Variants in ADARB2 observed in about 807,000 individuals in gnomAD.
ADARB2 encodes the protein adenosine deaminase RNA specific B2 (inactive).
Under a neutral mutation model 62.2 loss-of-function variants are expected in ADARB2, and 25 were observed. The observed-to-expected ratio is 0.40, with a 90% CI of 0.29 to 0.56. The LOEUF (loss-of-function observed/expected upper bound fraction) is 0.56, where lower values mean the gene tolerates loss of function less well. Ranked by LOEUF, ADARB2 falls within the 20% of genes least tolerant of loss-of-function variation. The pLI, the probability that ADARB2 is intolerant of heterozygous loss-of-function variation, is 0.43. For missense variants in ADARB2, 1,071 were observed against 1,077.4 expected (o/e 0.99, Z 0.08); for synonymous variants, 572 against 500.8 (o/e 1.14, Z -1.90).
intron 3 of ADARB2, among the ~76,000 whole-genome samples, chr10:1,298,720 A>T (rs1249241494): frequency 1.8e-5 from 2 of 110,770 alleles, no homozygotes; most frequent in East Asian, 2.3e-4. Context: ...TGCGACGGGA[A>T]TTTTTTTTTT....
chr10:1,414,965 A>G (rs145994528), intron 1 of ADARB2, among the ~76,000 whole-genome samples: 67 of 150,032 alleles, frequency 4.5e-4, no homozygotes, highest in African/African-American at 1.6e-3. Flanking sequence ...GGGTGGCTAT[A>G]TGGTGAATGG....
At chr10:1,289,124 A>C (rs571430109) in intron 3 of ADARB2, among the ~76,000 whole-genome samples, 1 of 152,208 alleles carries the variant, frequency 6.6e-6, no homozygotes, top group Non-Finnish European at 1.5e-5. Context: ...CTGCATGGTC[A>C]AACCCTGGTC....
chr10:1,592,315 GCTTCCCTCGCCCAAGCCACCCTCC>G (rs1833268233), intron 1 of ADARB2, among the ~76,000 whole-genome samples: 8 of 150,922 alleles, frequency 5.3e-5, no homozygotes, highest in African/African-American at 1.2e-4. Context: ...CTGTCACCCA[GCTTCCCTCGCCCAAGCCACCCTCC>G]ATAGGTCTCC....
Position 1,378,567 on chromosome 10 carries a change from G to C in ADARB2, c.187+507C>G, listed in dbSNP as rs931470303. ...CAGGTGCGGGTAAGGTTCCAGGTGA[G>C]GATAAGATTCCAGGTTAGGATGGAA... On this transcript the variant is annotated intron_variant, in intron 2 of 9. Coordinates refer to ENST00000381312, the MANE Select transcript of ADARB2 (RefSeq NM_018702.4). Among the ~76,000 whole-genome samples the C allele has an allele frequency of 3.3e-5, 5 of 152,244 alleles. 1 individual carries two copies. The South Asian group carries it at 8.3e-4, about 25-fold the overall frequency.
intron 3 of ADARB2, among the ~76,000 whole-genome samples, chr10:1,298,081 C>CA (rs1405763035): frequency 3.9e-5 from 6 of 152,198 alleles, no homozygotes; most frequent in Non-Finnish European, 7.4e-5. Context: ...TTTGAGATAG[C>CA]AAAAAATGGA....
chr10:1,207,322 G>C (rs1336055335), intron 7 of ADARB2, among the ~76,000 whole-genome samples: 1 of 152,214 alleles, frequency 6.6e-6, no homozygotes, highest in Non-Finnish European at 1.5e-5. Flanking sequence ...TCTAGCCTGG[G>C]TGACAAGAGC....
rs55689817 is a variant in ADARB2 at position 1,449,788 on chromosome 10, A to G, written c.101-70628T>C. Among the ~76,000 whole-genome samples, 801 of 152,278 alleles carry G rather than the reference A, an allele frequency of 5.3e-3. 3 individuals are homozygous for G. Among genetic ancestry groups the G allele is most frequent in the African/African-American group, 0.018 (741 of 41,548 alleles). On this transcript the variant is annotated intron_variant, in intron 1 of 9. Transcript: ENST00000381312. Reference sequence around the variant, plus strand: ...TATCTCCAGGTCCAATTTAATCTCTATTAGGCACTCAATGGCTAAATTAAG... The same window carrying G: ...TATCTCCAGGTCCAATTTAATCTCTGTTAGGCACTCAATGGCTAAATTAAG...
chr10:1,333,598 A>G (rs1461690070), intron 3 of ADARB2, among the ~76,000 whole-genome samples: 1 of 152,192 alleles, frequency 6.6e-6, no homozygotes, highest in African/African-American at 2.4e-5. Flanking sequence ...TACCTGTAAT[A>G]GGCAAAGTGT....
At chr10:1,326,240 G>A (rs530053510) in intron 3 of ADARB2, among the ~76,000 whole-genome samples, 3 of 152,292 alleles carry the variant, frequency 2.0e-5, no homozygotes, top group African/African-American at 7.2e-5. Context: ...ACACAAGGCT[G>A]AGCCGATTTT....
chr10:1,732,782 C>T (rs1835250263), intron 1 of ADARB2, among the ~76,000 whole-genome samples: 1 of 152,224 alleles, frequency 6.6e-6, no homozygotes, highest in Admixed American at 6.5e-5. Context: ...CCCTCATCCT[C>T]AGCACAATCT....
intron 3 of ADARB2, among the ~76,000 whole-genome samples, chr10:1,314,569 G>A (rs1384750624): frequency 1.3e-5 from 2 of 152,168 alleles, no homozygotes; most frequent in Non-Finnish European, 2.9e-5. Flanking sequence ...CACTTGCCCT[G>A]GCCTTCCGGC....
chr10:1,243,245 C>T lies in ADARB2; in HGVS notation c.1193-946G>A, dbSNP rs954409286. The stretch of plus-strand genomic sequence containing the variant: ...GGATGTGACAGCCACTGGCTGGGCC[C>T]GGATCGCAGGCCAAGGGAGGGCAGC... On this transcript the variant is annotated intron_variant, in intron 4 of 9. Transcript: ENST00000381312. Among the ~76,000 whole-genome samples the T allele has an allele frequency of 6.6e-5, 10 of 152,342 alleles. No individual in the cohort carries two copies. The East Asian group carries it at 1.5e-3, about 24-fold the overall frequency.
chr10:1,273,928 G>T (rs1831288820), intron 3 of ADARB2, among the ~76,000 whole-genome samples: 1 of 152,210 alleles, frequency 6.6e-6, no homozygotes, highest in Non-Finnish European at 1.5e-5. Context: ...GGGCTCGTGG[G>T]TTGCCAGCAG....
chr10:1,598,828 G>A (rs528505312), intron 1 of ADARB2, among the ~76,000 whole-genome samples: 25 of 152,222 alleles, frequency 1.6e-4, no homozygotes, highest in Non-Finnish European at 3.7e-4. Context: ...GAAGCGAAGG[G>A]ATCTCCCAGG....
intron 1 of ADARB2, among the ~76,000 whole-genome samples, chr10:1,519,282 C>A (rs1391063515): frequency 2.7e-5 from 4 of 150,472 alleles, no homozygotes; most frequent in African/African-American, 7.3e-5. Flanking sequence ...CATACACATG[C>A]ATTCCATGTA....
chr10:1,601,882 C>G (rs1358336242), intron 1 of ADARB2, among the ~76,000 whole-genome samples: 1 of 152,196 alleles, frequency 6.6e-6, no homozygotes, highest in Non-Finnish European at 1.5e-5. Flanking sequence ...AAAGCAAAAG[C>G]AAAAGCATTG....
At chr10:1,593,473 AT>A in intron 1 of ADARB2, among the ~76,000 whole-genome samples, 1 of 152,368 alleles carries the variant, frequency 6.6e-6, no homozygotes, top group South Asian at 2.1e-4. Context: ...TCTTGAGTTT[AT>A]TTAAATCATA....
chr10:1,408,113 T>A (rs575586179), intron 1 of ADARB2, among the ~76,000 whole-genome samples: 216 of 152,346 alleles, frequency 1.4e-3, no homozygotes, highest in African/African-American at 5.0e-3. Context: ...TGGATTTAAT[T>A]TGTAAATATG....
chr10:1,233,330 G>A (rs4880799), intron 6 of ADARB2, among the ~76,000 whole-genome samples: 31,355 of 152,176 alleles, frequency 0.21, 3,470 homozygotes, highest in East Asian at 0.28. Context: ...CCAACGCTGT[G>A]AGCAAAGGCA....
Sources: gnomAD v4.1 joint callset for allele counts (sites outside exome capture counted in the v4.1 genomes callset) on GRCh38, gnomAD v4.1.1 for gene constraint, MANE v1.5 for transcripts, NCBI Gene and HGNC (gene_info 2026-07-23, HGNC 2026-07-21) for gene names.